Variants in STRN3 observed in about 807,000 individuals in gnomAD.
STRN3 encodes striatin 3, also known as striatin-3.
STRN3 carries 29 observed loss-of-function variants against 95.6 expected under a neutral mutation model. The observed-to-expected ratio is 0.30, with a 90% confidence interval of 0.23 to 0.41. The LOEUF (loss-of-function observed/expected upper bound fraction) is 0.41. Among genes scored for constraint, STRN3 ranks in the 10% least tolerant of loss-of-function variants. The pLI is 1.00. For synonymous variants in STRN3, 331 were observed against 357.6 expected (o/e 0.93, Z 0.84); for missense variants, 890 against 972.1 (o/e 0.92, Z 1.12).
At chr14:30,999,222 T>A (rs2139284344) in intron 1 of STRN3, among the ~76,000 whole-genome samples, 1 of 151,476 alleles carries the variant, frequency 6.6e-6, no homozygotes, top group East Asian at 1.9e-4. Context: ...ATTTTTTTAT[T>A]TTTTGTGGAG....
intron 1 of STRN3, among the ~76,000 whole-genome samples, chr14:30,985,020 A>G (rs1415077188): frequency 6.6e-6 from 1 of 152,092 alleles, no homozygotes; most frequent in East Asian, 1.9e-4. Flanking sequence ...TTTAATAACA[A>G]AAATATTTTA....
At chr14:31,021,754 G>A (rs1397266010) in intron 1 of STRN3, among the ~76,000 whole-genome samples, 1 of 152,178 alleles carries the variant, frequency 6.6e-6, no homozygotes, top group African/African-American at 2.4e-5. Flanking sequence ...TAAGGCCAAA[G>A]GATTTGGCAA....
At position 31,025,823 on chromosome 14, in the gene STRN3, G is replaced by C. The variant is rs532854453; in HGVS notation, c.282+81C>G. The C allele has an allele frequency of 3.0e-5, 46 of 1,529,470 alleles. No individual in the cohort carries two copies. The Admixed American group carries it at 8.9e-4, about 30-fold the overall frequency. The allele number at this position is 1,529,470 out of a possible 1,614,324, so 94.7% of individuals were successfully genotyped here. Reference sequence around the variant, plus strand: ...CTCGGCCTCCCAAGGCGCCGGCTCCGGCTGAGTGGAGTCCCCAGCCCCACC... The same window carrying C: ...CTCGGCCTCCCAAGGCGCCGGCTCCCGCTGAGTGGAGTCCCCAGCCCCACC... On this transcript the variant is annotated intron_variant, in intron 1 of 17. Coordinates refer to ENST00000357479, the MANE Select transcript of STRN3 (RefSeq NM_001083893.2).
intron 7 of STRN3, among the ~76,000 whole-genome samples, chr14:30,929,958 A>AAAAAAAAAAAAAC (rs1878413054): frequency 7.6e-6 from 1 of 132,430 alleles, no homozygotes; most frequent in African/African-American, 2.9e-5. Flanking sequence ...GATTAGCAAA[A>AAAAAAAAAAAAAC]AAAAAAAAAA....
At chr14:31,005,338 G>A (rs1044512356) in intron 1 of STRN3, among the ~76,000 whole-genome samples, 10 of 152,100 alleles carry the variant, frequency 6.6e-5, no homozygotes, top group Non-Finnish European at 1.2e-4. Context: ...CTCGTAGAGG[G>A]GATGGCAAGG....
At chr14:30,896,373 GT>G (rs1896149834) in intron 16 of STRN3, among the ~76,000 whole-genome samples, 1 of 152,144 alleles carries the variant, frequency 6.6e-6, no homozygotes, top group Non-Finnish European at 1.5e-5. Context: ...AGGTGTGCCT[GT>G]AGTTCCAAGC....
At chr14:30,896,535 G>C (rs1350947077) in intron 16 of STRN3, among the ~76,000 whole-genome samples, 1 of 139,672 alleles carries the variant, frequency 7.2e-6, no homozygotes, top group East Asian at 2.4e-4. Context: ...AGGAAAATGG[G>C]AAGGAAAGAG....
chr14:30,935,053 C>G, intron 7 of STRN3, 110 bp downstream of exon 7: 2 of 1,390,614 alleles, frequency 1.4e-6, no homozygotes, highest in South Asian at 3.3e-5. Flanking sequence ...CCTTGCTCTC[C>G]GTTTAACTGC....
rs375355948 is a variant in STRN3, at chr14:31,018,173, T to TG, written c.282+7730dup. On this transcript the variant is annotated intron_variant, in intron 1 of 17. Coordinates refer to ENST00000357479, the MANE Select transcript of STRN3 (RefSeq NM_001083893.2). The stretch of plus-strand genomic sequence containing the variant: ...CTTAATAAAAATATATTTCAGGTCA[T>TG]GGGTAAAGAGTCTCTGTAGTCATGG... 5.2e-3 allele frequency among the ~76,000 whole-genome samples: 781 copies of TG among 150,360 alleles called. 3 individuals carry two copies. Among genetic ancestry groups the TG allele is most frequent in the African/African-American group, 0.018 (725 of 40,936 alleles).
At position 30,935,147 on chromosome 14, in the gene STRN3, T is replaced by C. The variant is rs376830346; in HGVS notation, c.988+16A>G. ...GGCTAGATTTCCTCCCACCCGGTAT[T>C]TCTTTATCACCTTACCCCATTCTGT... On this transcript the variant is annotated intron_variant, in intron 7 of 17. Coordinates refer to ENST00000357479, the MANE Select transcript of STRN3 (RefSeq NM_001083893.2). 6 of 1,610,926 alleles carry C rather than the reference T, an allele frequency of 3.7e-6. No individual in the cohort carries two copies. In the African/African-American group the frequency reaches 8.0e-5, roughly 22 times the overall value.
chr14:30,991,028 C>G (rs1018325981), intron 1 of STRN3, among the ~76,000 whole-genome samples: 2 of 152,180 alleles, frequency 1.3e-5, no homozygotes, highest in Non-Finnish European at 2.9e-5. Context: ...AACATCATCA[C>G]AGCTTACTCT....
chr14:30,957,010 T>C (rs1387292223), intron 1 of STRN3, among the ~76,000 whole-genome samples: 1 of 150,950 alleles, frequency 6.6e-6, no homozygotes, highest in Admixed American at 6.6e-5. Flanking sequence ...ATACAAAAAT[T>C]AGTTGTGCAT....
At chr14:30,929,135 G>A (rs1012249207) in intron 8 of STRN3, 66 bp downstream of exon 8, 102 of 1,349,476 alleles carry the variant, frequency 7.6e-5, no homozygotes, top group Non-Finnish European at 9.4e-5. Context: ...CAAAGAAACA[G>A]AATTGAAGAA....
At chr14:30,971,605 C>G (rs919937973) in intron 1 of STRN3, among the ~76,000 whole-genome samples, 1 of 152,128 alleles carries the variant, frequency 6.6e-6, no homozygotes, top group Non-Finnish European at 1.5e-5. Flanking sequence ...ACGATATTAG[C>G]AGAAAGAGGA....
In STRN3 at chr14:30,912,081, T is replaced by C; in HGVS notation, c.1476A>G (p.Glu492=). 6.2e-7 allele frequency: 1 copy of C among 1,614,120 alleles called. No homozygotes were observed. Among genetic ancestry groups the C allele is most frequent in the Non-Finnish European group, 8.5e-7 (1 of 1,180,006 alleles). ...CCTCAGAAGCAGTAACCAGCACAGG[T>C]TCTACAGGATGAAAAGCTAATGCCC... ...GVRALAFHPV[E]PVLVTASEDH... The change falls in exon 11 of 18, where the codon GAA becomes GAG. Residue 492 remains glutamate, a synonymous_variant. Coordinates refer to ENST00000357479, the MANE Select transcript of STRN3 (RefSeq NM_001083893.2).
At chr14:30,939,438 T>C (rs1357344104) in intron 5 of STRN3, among the ~76,000 whole-genome samples, 1 of 151,916 alleles carries the variant, frequency 6.6e-6, no homozygotes, top group Non-Finnish European at 1.5e-5. Flanking sequence ...ATTAGAAGAG[T>C]TGCTGAGCTG....
At chr14:30,985,410 C>T (rs1881638143) in intron 1 of STRN3, among the ~76,000 whole-genome samples, 1 of 151,994 alleles carries the variant, frequency 6.6e-6, no homozygotes, top group South Asian at 2.1e-4. Context: ...TCGAGACCAA[C>T]CTGGCCAACA....
chr14:30,909,933 G>A (rs1190529043), intron 13 of STRN3, among the ~76,000 whole-genome samples: 2 of 152,078 alleles, frequency 1.3e-5, no homozygotes, highest in African/African-American at 4.8e-5. Context: ...CTCCCTCAGC[G>A]TATCTTAAAA....
chr14:30,898,358 TAAACC>T lies in STRN3; in HGVS notation c.2138-2615_2138-2611del, dbSNP rs1240247248. Reference sequence around the variant, plus strand: ...CTCTATCTCCTAAGTTTAACATCTCTAAACCAAAAGACTTTTTTCCAATACAAGAG... The same window carrying T: ...CTCTATCTCCTAAGTTTAACATCTCTAAAAGACTTTTTTCCAATACAAGAG... On this transcript the variant is annotated intron_variant, in intron 16 of 17. Transcript: ENST00000357479. Among the ~76,000 whole-genome samples, 4 of 152,320 alleles carry T rather than the reference TAAACC, an allele frequency of 2.6e-5. No homozygotes were observed. The East Asian group carries it at 7.7e-4, about 29-fold the overall frequency.
Sources: allele counts gnomAD v4.1 joint callset (sites outside exome capture counted in the v4.1 genomes callset), GRCh38; gene constraint gnomAD v4.1.1; transcripts MANE v1.5; gene names NCBI Gene and HGNC (gene_info 2026-07-23, HGNC 2026-07-21).